Variants in SUDS3 observed in about 807,000 individuals in gnomAD.
SUDS3 encodes SIN3A corepressor complex component SDS3, also known as sin3 histone deacetylase corepressor complex component SDS3.
Under a neutral mutation model 53.5 loss-of-function variants are expected in SUDS3, and 23 were observed. That is an observed-to-expected ratio of 0.43 (90% CI 0.31 to 0.61). The LOEUF (loss-of-function observed/expected upper bound fraction) is 0.61, where lower values mean the gene tolerates loss of function less well. Among genes scored for constraint, SUDS3 ranks in the 20% least tolerant of loss-of-function variants. The pLI, the probability that SUDS3 is intolerant of heterozygous loss-of-function variation, is 0.10. For synonymous variants in SUDS3, 150 were observed against 148.5 expected (o/e 1.01, Z -0.08); for missense variants, 291 against 405.9 (o/e 0.72, Z 2.43).
In SUDS3 at chr12:118,416,585, C is replaced by A. The variant is rs1404775924; in HGVS notation, c.*2152C>A. 1.3e-5 allele frequency: 2 copies of A among 152,116 alleles called. No homozygotes were observed. Among genetic ancestry groups the A allele is most frequent in the Non-Finnish European group, 2.9e-5 (2 of 68,024 alleles). 9.4% of individuals were successfully genotyped at this position (152,116 alleles called of 1,614,324 possible). ...GTGAAAATGGGGGCAGGTGAGAAGT[C>A]CATTTTGAGAATCAGCATAGTAAAT... On this transcript the variant is annotated 3_prime_UTR_variant, in exon 12 of 12. Transcript: ENST00000543473.
At chr12:118,396,955 G>T (rs980297054) in intron 6 of SUDS3, among the ~76,000 whole-genome samples, 21 of 152,138 alleles carry the variant, frequency 1.4e-4, no homozygotes, top group African/African-American at 4.3e-4. Context: ...AGGAGGATTT[G>T]CACTATTAAA....
At chr12:118,389,125 G>A (rs1406558210) in intron 4 of SUDS3, among the ~76,000 whole-genome samples, 6 of 152,020 alleles carry the variant, frequency 3.9e-5, no homozygotes, top group Admixed American at 3.9e-4. Context: ...CTCCAGTCTG[G>A]GTGACAGAGC....
At chr12:118,406,878 C>T (rs1030555830) in intron 10 of SUDS3, among the ~76,000 whole-genome samples, 7 of 142,346 alleles carry the variant, frequency 4.9e-5, no homozygotes, top group African/African-American at 1.3e-4. Flanking sequence ...TTTAACCGCC[C>T]CCGCCCCCCC....
chr12:118,389,838 C>A, intron 4 of SUDS3, 89 bp from the exon 5 acceptor site: 1 of 1,496,734 alleles, frequency 6.7e-7, no homozygotes, highest in Non-Finnish European at 9.3e-7. Context: ...TTTCAGAAAG[C>A]AATTACTGCT....
In SUDS3 at chr12:118,403,791, C is replaced by A. The variant is rs576508994; in HGVS notation, c.803+274C>A. On this transcript the variant is annotated intron_variant, in intron 10 of 11. Transcript: ENST00000543473. ...TTGCAGGCTGGTATCTTGTGTGGTA[C>A]CCCTGCCAACTGGGGCTGGGGTGTA... 3.3e-5 allele frequency among the ~76,000 whole-genome samples: 5 copies of A among 152,130 alleles called. 1 individual carries two copies. In the East Asian group the frequency reaches 5.8e-4, roughly 18 times the overall value.
chr12:118,409,255 T>C (rs2046336604), intron 10 of SUDS3, among the ~76,000 whole-genome samples: 1 of 151,866 alleles, frequency 6.6e-6, no homozygotes, highest in African/African-American at 2.4e-5. Flanking sequence ...CAAGCAATTC[T>C]CCTGCCTCAG....
chr12:118,415,924 CTCT>C lies in SUDS3; in HGVS notation c.*1493_*1495del, dbSNP rs2046396780. 6.7e-6 allele frequency: 1 copy of C among 148,552 alleles called. No individual in the cohort carries two copies. 9.2% of individuals were successfully genotyped at this position (148,552 alleles called of 1,614,324 possible). The stretch of plus-strand genomic sequence containing the variant: ...GTTTTAACTTACAATCCGTTTTTTC[CTCT>C]TTTTTTTTTTTTTTTCTGGTGTTGG... On this transcript the variant is annotated 3_prime_UTR_variant, in exon 12 of 12. Coordinates refer to ENST00000543473, the MANE Select transcript of SUDS3 (RefSeq NM_022491.3).
At chr12:118,399,853 CTA>C (rs1441742896) in intron 6 of SUDS3, among the ~76,000 whole-genome samples, 1 of 152,116 alleles carries the variant, frequency 6.6e-6, no homozygotes, top group Non-Finnish European at 1.5e-5. Context: ...TGTCAGGTAT[CTA>C]TTGCCATTCA....
intron 4 of SUDS3, among the ~76,000 whole-genome samples, chr12:118,387,543 T>G (rs1207811250): frequency 6.6e-6 from 1 of 151,884 alleles, no homozygotes; most frequent in African/African-American, 2.4e-5. Flanking sequence ...CTCTCAATCA[T>G]GTCCTCATGT....
intron 1 of SUDS3, among the ~76,000 whole-genome samples, chr12:118,378,109 G>C (rs2046018652): frequency 6.6e-6 from 1 of 151,448 alleles, no homozygotes; most frequent in South Asian, 2.1e-4. Flanking sequence ...CCAAAATTGA[G>C]TTTTTTTTTC....
chr12:118,383,197 T>A (rs2046083457), intron 2 of SUDS3, among the ~76,000 whole-genome samples: 1 of 152,346 alleles, frequency 6.6e-6, no homozygotes, highest in Non-Finnish European at 1.5e-5. Flanking sequence ...GCAGCACATA[T>A]ACCAAAAGGT....
At chr12:118,402,096 C>T (rs1387176363) in intron 9 of SUDS3, 92 bp downstream of exon 9, 1 of 1,462,362 alleles carries the variant, frequency 6.8e-7, no homozygotes, top group Non-Finnish European at 9.5e-7. Context: ...TTGCAATTTT[C>T]AAAAATGAAA....
At chr12:118,413,599 C>T (rs976823870) in intron 11 of SUDS3, among the ~76,000 whole-genome samples, 6 of 152,214 alleles carry the variant, frequency 3.9e-5, no homozygotes, top group African/African-American at 1.4e-4. Context: ...CTGGCAGCAG[C>T]TCCCCTTCTC....
At chr12:118,386,246 G>A (rs548742885) in intron 4 of SUDS3, 61 bp downstream of exon 4, 219 of 1,331,162 alleles carry the variant, frequency 1.6e-4, no homozygotes, top group Non-Finnish European at 2.2e-4. Flanking sequence ...GCCGATCGTC[G>A]GTGTAATGCA....
intron 3 of SUDS3, among the ~76,000 whole-genome samples, chr12:118,385,483 C>T (rs1439147270): frequency 1.3e-5 from 2 of 152,150 alleles, no homozygotes; most frequent in African/African-American, 4.8e-5. Flanking sequence ...CATGGTCAGG[C>T]ATTATAATCA....
chr12:118,403,473 C>A lies in SUDS3; in HGVS notation c.759C>A (p.Phe253Leu). ...ATPAESPAQR[F>L]EARIEDGKLY... ...CCGCGGAATCTCCAGCCCAGAGGTT[C>A]GAAGCTCGGATAGAAGATGGCAAAC... Residue 253 changes from phenylalanine (F) to leucine (L), a missense_variant, in exon 10 of 12, where the codon TTC (phenylalanine) becomes TTA (leucine). Phe to Leu is a conservative substitution (Grantham distance 22). Coordinates refer to ENST00000543473, the MANE Select transcript of SUDS3 (RefSeq NM_022491.3). The A allele has an allele frequency of 6.2e-7, 1 of 1,613,592 alleles. No homozygotes were observed. The highest frequency in any genetic ancestry group is 1.1e-5 in the South Asian group (1 of 90,916).
intron 6 of SUDS3, among the ~76,000 whole-genome samples, chr12:118,394,559 T>G (rs1056609187): frequency 2.0e-5 from 3 of 152,216 alleles, no homozygotes. Context: ...ATGGATAAAG[T>G]CTGTGTCTTC....
chr12:118,376,892 G>C (rs1397520612), intron 1 of SUDS3, 59 bp downstream of exon 1: 23 of 1,441,164 alleles, frequency 1.6e-5, no homozygotes, highest in Non-Finnish European at 2.1e-5. Context: ...GGGGGAGGGG[G>C]TGGGGCTGTT....
intron 2 of SUDS3, among the ~76,000 whole-genome samples, chr12:118,380,753 C>G (rs1475855606): frequency 1.3e-5 from 2 of 152,204 alleles, no homozygotes; most frequent in East Asian, 3.8e-4. Flanking sequence ...TTCGTCCAGA[C>G]TGGAGTGCAG....
Sources: gnomAD v4.1 joint callset for allele counts (sites outside exome capture counted in the v4.1 genomes callset) on GRCh38, gnomAD v4.1.1 for gene constraint, MANE v1.5 for transcripts, NCBI Gene and HGNC (gene_info 2026-07-23, HGNC 2026-07-21) for gene names.